MTAP: variants seen among roughly 807,000 people sequenced by gnomAD.
MTAP encodes the protein methylthioadenosine phosphorylase, also known as S-methyl-5'-thioadenosine phosphorylase.
In MTAP, 33 loss-of-function variants were observed where a neutral mutation model predicts 33.6. That is an observed-to-expected ratio of 0.98 (90% CI 0.74 to 1.31). The LOEUF is 1.31. Among genes scored for constraint, MTAP ranks in the 40% most tolerant of loss-of-function variants. The probability of loss-of-function intolerance (pLI) is 0.00; values close to 1 mark genes in which losing one functional copy is unlikely to be tolerated. For missense variants in MTAP, 367 were observed against 360.0 expected, an observed-to-expected ratio of 1.02 and a Z score of -0.16; for synonymous variants, 148 against 125.7, an observed-to-expected ratio of 1.18 and a Z score of -1.19.
At chr9:21,839,119 A>T (rs1366914092) in intron 5 of MTAP, among the ~76,000 whole-genome samples, 1 of 151,940 alleles carries the variant, frequency 6.6e-6, no homozygotes, top group African/African-American at 2.4e-5. Flanking sequence ...CATTTCGGAG[A>T]TACCACTGCG....
At position 21,918,349 on chromosome 9, in the gene MTAP, CAAAAAAAAAAAAA is replaced by C. The variant is rs34446505; in HGVS notation, c.148-12646_148-12634del. Among the ~76,000 whole-genome samples the C allele has an allele frequency of 2.5e-4, 6 of 23,814 alleles. 1 individual carries two copies. The highest frequency in any genetic ancestry group is 4.4e-3 in the South Asian group (2 of 458). The allele number at this position is 23,814 out of a possible 152,430, so 15.6% of individuals were successfully genotyped here. On this transcript the variant is annotated intron_variant, in intron 1 of 1. Coordinates refer to the MTAP transcript ENST00000577563. ...TGGGCGACAGAACGAGACTCCGTCT[CAAAAAAAAAAAAA>C]AAAAAAAAAAAAGAGTGATTAATGG...
downstream of MTAP, chr9:21,932,519 TCTGA>T (rs1000917380): frequency 3.9e-5 from 6 of 152,366 alleles, no homozygotes; most frequent in African/African-American, 1.4e-4. Context: ...TTTTTGTGTG[TCTGA>T]CTACCGATGG....
chr9:21,856,997 A>G (rs1825657474), intron 6 of MTAP, among the ~76,000 whole-genome samples: 1 of 152,196 alleles, frequency 6.6e-6, no homozygotes, highest in African/African-American at 2.4e-5. Context: ...ACCAAATGAG[A>G]TATGTAAAAA....
chr9:21,918,096 ATCC>A (rs1818721354), intron 1 of MTAP, among the ~76,000 whole-genome samples: 1 of 129,310 alleles, frequency 7.7e-6, no homozygotes, highest in African/African-American at 4.0e-5. Flanking sequence ...TCCGCCTGTA[ATCC>A]CAGCACTTTG....
rs1317482370 is a variant in MTAP at position 21,862,809 on chromosome 9, A to T, written c.*795A>T. On this transcript the variant is annotated 3_prime_UTR_variant, in exon 8 of 8. Coordinates refer to ENST00000644715, the MANE Select transcript of MTAP (RefSeq NM_002451.4). Reference sequence around the variant, plus strand: ...AAAAAACTAGAAAGAAATATATATAACCTTGTTATTGTATTTGGGGGAGGG... The same window carrying T: ...AAAAAACTAGAAAGAAATATATATATCCTTGTTATTGTATTTGGGGGAGGG... 6.4e-5 allele frequency: 23 copies of T among 360,488 alleles called. No individual in the cohort carries two copies. Among genetic ancestry groups the T allele is most frequent in the Non-Finnish European group, 8.9e-5 (23 of 259,522 alleles). The allele number at this position is 360,488 out of a possible 1,614,324, so 22.3% of individuals were successfully genotyped here. A position where few individuals can be genotyped will look rare whatever the true frequency, so the allele number is the denominator to read the frequency against.
At chr9:21,886,858 AAGT>A (rs1419008998) in intron 1 of MTAP, among the ~76,000 whole-genome samples, 2 of 152,132 alleles carry the variant, frequency 1.3e-5, no homozygotes, top group African/African-American at 4.8e-5. Context: ...GAATAGTTTG[AAGT>A]TGGATAATAT....
At chr9:21,840,967 T>C (rs960710681) in intron 5 of MTAP, among the ~76,000 whole-genome samples, 1 of 152,124 alleles carries the variant, frequency 6.6e-6, no homozygotes, top group Admixed American at 6.5e-5. Context: ...CTCTTGCTGC[T>C]GGCTCTCCCC....
At chr9:21,854,594 C>A (rs760098000) in intron 5 of MTAP, 37 bp from the exon 6 acceptor site, 2 of 1,514,076 alleles carry the variant, frequency 1.3e-6, no homozygotes, top group Non-Finnish European at 1.8e-6. Context: ...TGTGCATGTG[C>A]TAGTATGTTT....
Position 21,863,635 on chromosome 9 carries a change from A to G in MTAP, c.*1621A>G, listed in dbSNP as rs75578506. The G allele has an allele frequency of 1.0e-6, 1 of 985,392 alleles. No homozygotes were observed. The highest frequency in any genetic ancestry group is 1.2e-6 in the Non-Finnish European group (1 of 829,940). The allele number at this position is 985,392 out of a possible 1,614,324, so 61.0% of individuals were successfully genotyped here. ...AAGACTCAGTCTCAAAAAAAAAAAAAAGAGTGAAATGCTTTTTGTTTGCTT... is the reference window on the plus strand; with the variant it reads ...AAGACTCAGTCTCAAAAAAAAAAAAGAGAGTGAAATGCTTTTTGTTTGCTT... On this transcript the variant is annotated 3_prime_UTR_variant, in exon 8 of 8. Transcript: ENST00000644715.
At chr9:21,895,359 T>C (rs576615503) in intron 1 of MTAP, among the ~76,000 whole-genome samples, 50 of 152,268 alleles carry the variant, frequency 3.3e-4, no homozygotes, top group African/African-American at 1.2e-3. Context: ...TGCCCCAAGG[T>C]TCCAAGATGG....
At chr9:21,876,131 C>T (rs1026782898) in intron 1 of MTAP, among the ~76,000 whole-genome samples, 13 of 152,034 alleles carry the variant, frequency 8.6e-5, no homozygotes, top group East Asian at 5.8e-4. Flanking sequence ...AGTGATATCA[C>T]GCTTTTTTAA....
At chr9:21,869,737 C>T (rs141957169), downstream of MTAP, among the ~76,000 whole-genome samples, 1 of 152,328 alleles carries the variant, frequency 6.6e-6, no homozygotes, top group Non-Finnish European at 1.5e-5. Flanking sequence ...GACTATTCCT[C>T]ATTACAGCTA....
At chr9:21,938,098 C>A (rs1054863154), downstream of MTAP, among the ~76,000 whole-genome samples, 1 of 152,084 alleles carries the variant, frequency 6.6e-6, no homozygotes, top group Non-Finnish European at 1.5e-5. Context: ...CAAGGTGAAA[C>A]CCCATCTCTA....
chr9:21,930,529 T>C (rs1818940186), intron 1 of MTAP: 1 of 267,046 alleles, frequency 3.7e-6, no homozygotes, highest in South Asian at 7.1e-5. Context: ...TTCCCCTTCT[T>C]ATGGGCCTCA....
chr9:21,818,047 G>A lies in MTAP; in HGVS notation c.192G>A (p.Gln64=). Residue 64 remains glutamine, a synonymous_variant, in exon 4 of 8, where the codon CAG becomes CAA. Transcript: ENST00000644715. The part of the protein sequence containing the change: ...DCVLLARHGR[Q]HTIMPSKVNY... ...TCTCCTTCCATAGGCATGGAAGGCA[G>A]CACACCATCATGCCTTCAAAGGTCA... is the stretch of plus-strand genomic sequence containing the variant. 1 of 1,611,446 alleles carries A rather than the reference G, an allele frequency of 6.2e-7. No individual in the cohort carries two copies. Among genetic ancestry groups the A allele is most frequent in the Non-Finnish European group, 8.5e-7 (1 of 1,179,032 alleles).
chr9:21,862,259 G>C lies in MTAP; in HGVS notation c.*245G>C. On this transcript the variant is annotated 3_prime_UTR_variant, in exon 8 of 8. Coordinates refer to ENST00000644715, the MANE Select transcript of MTAP (RefSeq NM_002451.4). ...TGTGGGAAAAAATATTACATTTTAA[G>C]GGGGAAAAAAAAACCCACCATTCTC... 1.0e-6 allele frequency: 1 copy of C among 981,690 alleles called. No homozygotes were observed. The allele number at this position is 981,690 out of a possible 1,614,324, so 60.8% of individuals were successfully genotyped here. A position where few individuals can be genotyped will look rare whatever the true frequency, so the allele number is the denominator to read the frequency against.
In MTAP at chr9:21,859,764, A is replaced by G. The variant is rs16938576; in HGVS notation, c.813+339A>G. 2.1e-3 allele frequency: 363 copies of G among 169,276 alleles called. 2 individuals carry two copies. The highest frequency in any genetic ancestry group is 8.1e-3 in the African/African-American group (341 of 42,316). 10.5% of individuals were successfully genotyped at this position (169,276 alleles called of 1,614,324 possible). ...TATCGCTTACATTGTTGACAAAGCT[A>G]TTTTCTCTTTGGCAGATCCATTCAA... is the stretch of plus-strand genomic sequence containing the variant. On this transcript the variant is annotated intron_variant, in intron 7 of 7. Transcript: ENST00000644715.
At chr9:21,803,730 T>TCTCAA (rs1824129992) in intron 1 of MTAP, among the ~76,000 whole-genome samples, 1 of 151,416 alleles carries the variant, frequency 6.6e-6, no homozygotes, top group South Asian at 2.1e-4. Context: ...AAGAATGCGT[T>TCTCAA]CTTGTTTGAT....
Position 21,802,862 on chromosome 9 carries a change from GGGCCATGCGCCC to G in MTAP, c.33+86_33+97del, listed in dbSNP as rs748023537. ...CCGCGCCGGGGGACCGCGCCTCCGG[GGGCCATGCGCCC>G]GGCCCGTGCGTCCCTTGCCGCCGCG... On this transcript the variant is annotated intron_variant, in intron 1 of 7. Coordinates refer to ENST00000644715, the MANE Select transcript of MTAP (RefSeq NM_002451.4). 2.2e-5 allele frequency: 35 copies of G among 1,573,314 alleles called. No homozygotes were observed. The South Asian group carries it at 3.9e-4, about 18-fold the overall frequency.
Sources: gnomAD v4.1 joint callset for allele counts (sites outside exome capture counted in the v4.1 genomes callset) on GRCh38, gnomAD v4.1.1 for gene constraint, MANE v1.5 for transcripts, NCBI Gene and HGNC (gene_info 2026-07-23, HGNC 2026-07-21) for gene names.